The following AIG1 variants were observed in gnomAD, a reference collection of about 807,000 sequenced individuals.
AIG1 encodes androgen induced 1, also known as androgen-induced gene 1 protein.
A neutral mutation model predicts 31.4 loss-of-function variants in AIG1; 23 were observed. That is an observed-to-expected ratio of 0.73 (90% confidence interval 0.53 to 1.04). AIG1 has a LOEUF of 1.04. Ranked by LOEUF, AIG1 falls within the 50% of genes least tolerant of loss-of-function variation. AIG1 has a pLI of 0.00. For synonymous variants in AIG1, 100 were observed against 110.5 expected (o/e 0.90, Z 0.60); for missense variants, 274 against 295.0 (o/e 0.93, Z 0.52).
intron 3 of AIG1, among the ~76,000 whole-genome samples, chr6:143,228,976 C>G (rs920022084): frequency 1.2e-4 from 18 of 152,162 alleles, no homozygotes; most frequent in Non-Finnish European, 2.6e-4. Flanking sequence ...TTGGCAGTGC[C>G]GGATCATGCC....
At position 143,162,396 on chromosome 6, in the gene AIG1, A is replaced by C. The variant is rs567442402; in HGVS notation, c.298-2686A>C. ...GATATTTGTGTAAATTAATAATTGG[A>C]GATTCTAACATTTAAATGGAAATGC... On this transcript the variant is annotated intron_variant, in intron 2 of 5. Coordinates refer to ENST00000357847, the MANE Select transcript of AIG1 (RefSeq NM_016108.4). Among the ~76,000 whole-genome samples, 3 of 152,318 alleles carry C rather than the reference A, an allele frequency of 2.0e-5. No homozygotes were observed. The South Asian group carries it at 6.2e-4, about 32-fold the overall frequency.
intron 1 of AIG1, among the ~76,000 whole-genome samples, chr6:143,093,039 GA>G (rs1779442307): frequency 6.6e-6 from 1 of 152,110 alleles, no homozygotes; most frequent in African/African-American, 2.4e-5. Flanking sequence ...GACACAGTGA[GA>G]CTCTTGTCTC....
chr6:143,203,262 G>A (rs904015149), intron 3 of AIG1, among the ~76,000 whole-genome samples: 2 of 152,174 alleles, frequency 1.3e-5, no homozygotes, highest in Non-Finnish European at 2.9e-5. Flanking sequence ...CCTGTGGCCA[G>A]GATTCTAGTC....
At chr6:143,318,268 CTG>C (rs1775929338) in intron 4 of AIG1, among the ~76,000 whole-genome samples, 1 of 152,088 alleles carries the variant, frequency 6.6e-6, no homozygotes, top group Non-Finnish European at 1.5e-5. Context: ...CGGCATGGTA[CTG>C]GTATAAAAAT....
chr6:143,244,001 G>A (rs1028746428), intron 3 of AIG1, among the ~76,000 whole-genome samples: 1 of 152,214 alleles, frequency 6.6e-6, no homozygotes, highest in Non-Finnish European at 1.5e-5. Flanking sequence ...TGGGTCATGA[G>A]TTGAAACCTG....
chr6:143,106,397 T>G (rs921312525), intron 1 of AIG1, among the ~76,000 whole-genome samples: 3 of 152,216 alleles, frequency 2.0e-5, no homozygotes, highest in African/African-American at 7.2e-5. Context: ...AATCATCCAG[T>G]GTATGATGCT....
intron 3 of AIG1, among the ~76,000 whole-genome samples, chr6:143,273,535 T>G (rs1583695300): frequency 6.6e-6 from 1 of 152,202 alleles, no homozygotes; most frequent in Non-Finnish European, 1.5e-5. Context: ...GAATGTTTCT[T>G]TATTAGTCCA....
chr6:143,155,407 G>A (rs917365986), intron 2 of AIG1, among the ~76,000 whole-genome samples: 1 of 152,118 alleles, frequency 6.6e-6, no homozygotes, highest in African/African-American at 2.4e-5. Flanking sequence ...GGATATCTAA[G>A]CTCCCATTTC....
chr6:143,108,033 C>A (rs1780954285), intron 1 of AIG1, among the ~76,000 whole-genome samples: 1 of 152,086 alleles, frequency 6.6e-6, no homozygotes, highest in Non-Finnish European at 1.5e-5. Context: ...ACGTTTAGAC[C>A]TGTCAAAATG....
intron 2 of AIG1, among the ~76,000 whole-genome samples, chr6:143,161,294 T>C (rs1786350471): frequency 1.3e-5 from 2 of 152,078 alleles, no homozygotes; most frequent in Admixed American, 1.3e-4. Flanking sequence ...TAGGGAAGTA[T>C]ATCAATTGCA....
intron 3 of AIG1, among the ~76,000 whole-genome samples, chr6:143,275,877 C>G (rs926318346): frequency 1.3e-5 from 2 of 152,184 alleles, no homozygotes; most frequent in African/African-American, 2.4e-5. Context: ...TGGAAGAAAG[C>G]AAACACTAAG....
At chr6:143,307,414 A>T (rs1028532314) in intron 4 of AIG1, among the ~76,000 whole-genome samples, 1 of 152,168 alleles carries the variant, frequency 6.6e-6, no homozygotes, top group Non-Finnish European at 1.5e-5. Flanking sequence ...TTTTCCTTCT[A>T]ACAGACAGGA....
intron 2 of AIG1, among the ~76,000 whole-genome samples, chr6:143,153,032 A>G (rs1396378930): frequency 6.6e-6 from 1 of 152,204 alleles, no homozygotes; most frequent in East Asian, 1.9e-4. Flanking sequence ...TCACGGGATG[A>G]CACAGGGTAC....
intron 1 of AIG1, among the ~76,000 whole-genome samples, chr6:143,113,920 A>C (rs1431340577): frequency 6.6e-6 from 1 of 151,682 alleles, no homozygotes; most frequent in South Asian, 2.1e-4. Flanking sequence ...GACTACAGGC[A>C]CCCACCACCA....
chr6:143,322,489 A>G (rs1776293108), intron 4 of AIG1, among the ~76,000 whole-genome samples: 1 of 152,136 alleles, frequency 6.6e-6, no homozygotes, highest in Admixed American at 6.5e-5. Context: ...CGATGTCTCT[A>G]CTTAATGTTT....
At chr6:143,150,993 G>GA (rs1426354648) in intron 2 of AIG1, among the ~76,000 whole-genome samples, 3 of 152,090 alleles carry the variant, frequency 2.0e-5, no homozygotes, top group Admixed American at 6.6e-5. Flanking sequence ...CAAATGCCAA[G>GA]AAAAAACGCT....
intron 3 of AIG1, among the ~76,000 whole-genome samples, chr6:143,278,337 C>T (rs987624635): frequency 6.6e-6 from 1 of 152,066 alleles, no homozygotes; most frequent in Non-Finnish European, 1.5e-5. Flanking sequence ...TTATGTAGCA[C>T]GGGGACGTGA....
chr6:143,069,126 C>T (rs951817339), intron 1 of AIG1, among the ~76,000 whole-genome samples: 7 of 151,792 alleles, frequency 4.6e-5, no homozygotes, highest in African/African-American at 1.7e-4. Context: ...GTGACTCTCC[C>T]GCCTCAGCCT....
chr6:143,244,682 G>T (rs1794484744), intron 3 of AIG1, among the ~76,000 whole-genome samples: 1 of 152,220 alleles, frequency 6.6e-6, no homozygotes, highest in Non-Finnish European at 1.5e-5. Context: ...GGTATAGTCT[G>T]GAGAGCTGAT....
Sources: allele counts gnomAD v4.1 joint callset (sites outside exome capture counted in the v4.1 genomes callset), GRCh38; gene constraint gnomAD v4.1.1; transcripts MANE v1.5; gene names NCBI Gene and HGNC (gene_info 2026-07-23, HGNC 2026-07-21).